The following CDKL5 variants were observed in gnomAD, a reference collection of about 807,000 sequenced individuals.
CDKL5 encodes cyclin dependent kinase like 5.
CDKL5 carries 8 observed loss-of-function variants against 61.7 expected under a neutral mutation model. That is an observed-to-expected ratio of 0.13 (90% confidence interval 0.08 to 0.23). The LOEUF (loss-of-function observed/expected upper bound fraction) is 0.23. Ranked by LOEUF, CDKL5 falls within the 10% of genes least tolerant of loss-of-function variation. CDKL5 has a pLI of 1.00. For missense variants in CDKL5, 440 were observed against 734.5 expected (o/e 0.60, Z 4.63); for synonymous variants, 275 against 272.3 (o/e 1.01, Z -0.10).
intron 1 of CDKL5, among the ~76,000 whole-genome samples, chrX:18,500,963 T>C (rs1279397512): frequency 1.8e-5 from 2 of 111,055 alleles, no homozygotes; most frequent in East Asian, 2.9e-4. Context: ...CTTAGCCTCC[T>C]GTGTAGCTGG....
intron 3 of CDKL5, among the ~76,000 whole-genome samples, chrX:18,553,467 T>C (rs867074649): frequency 2.0e-4 from 17 of 84,784 alleles, no homozygotes; most frequent in South Asian, 5.7e-4. Context: ...TGTGTGTGCG[T>C]GTGTGTGTGT....
At chrX:18,433,856 C>T (rs891681957) in intron 1 of CDKL5, among the ~76,000 whole-genome samples, 2 of 112,267 alleles carry the variant, frequency 1.8e-5, no homozygotes, top group African/African-American at 6.5e-5. Context: ...AATTGGTTTT[C>T]TTGATTTTAA....
chrX:18,646,860 A>T (rs1171779569), intron 20 of CDKL5, among the ~76,000 whole-genome samples: 1 of 110,913 alleles, frequency 9.0e-6, no homozygotes, highest in Non-Finnish European at 1.9e-5. Flanking sequence ...TTCTTCCTTC[A>T]TCTCTCCCCC....
In CDKL5 at chrX:18,650,612, C is replaced by T. The variant is rs181859624; in HGVS notation, c.2980+20C>T. On this transcript the variant is annotated intron_variant, in intron 21 of 21. Transcript: ENST00000379989. ...AATCCGGTAAGCAGAGACTCTAGAC[C>T]GGTGGGGCTCAGCCTGGGCTGTACC... is the stretch of plus-strand genomic sequence containing the variant. The T allele has an allele frequency of 3.5e-5, 42 of 1,206,594 alleles. No homozygotes were observed. In the South Asian group the frequency reaches 5.8e-4, roughly 17 times the overall value.
At chrX:18,529,256 A>G (rs1252577784) in intron 3 of CDKL5, among the ~76,000 whole-genome samples, 2 of 106,628 alleles carry the variant, frequency 1.9e-5, no homozygotes. Context: ...ACACTTTCAG[A>G]TAACTCTATA....
chrX:18,641,346 A>C (rs1778636890), downstream of CDKL5: 1 of 113,687 alleles, frequency 8.8e-6, no homozygotes, highest in Non-Finnish European at 1.8e-5. Context: ...CCCTGTGTTC[A>C]TGAGGGTGGA....
chrX:18,632,349 TC>T lies in CDKL5; in HGVS notation c.*3594del. 1 of 753,515 alleles carries T rather than the reference TC, an allele frequency of 1.3e-6. No homozygotes were observed. The highest frequency in any genetic ancestry group is 6.7e-5 in the South Asian group (1 of 14,836). 62.1% of individuals were successfully genotyped at this position (753,515 alleles called of 1,213,427 possible). ...GGAGAACTTAAATTCTAGGTTAGCA[TC>T]CTTAGAAAATCTTTCATAGAGCCAT... On this transcript the variant is annotated 3_prime_UTR_variant, in exon 18 of 18. Coordinates refer to ENST00000623535, the MANE Select transcript of CDKL5 (RefSeq NM_001323289.2).
chrX:18,557,252 C>A (rs1235351532), intron 3 of CDKL5, among the ~76,000 whole-genome samples: 1 of 111,520 alleles, frequency 9.0e-6, no homozygotes, highest in Non-Finnish European at 1.9e-5. Context: ...AAAAATACAA[C>A]AATAAAAAAT....
intron 20 of CDKL5, among the ~76,000 whole-genome samples, chrX:18,646,905 T>A (rs933187332): frequency 1.8e-5 from 2 of 111,554 alleles, no homozygotes; most frequent in African/African-American, 6.5e-5. Flanking sequence ...CATTTGTTTA[T>A]TAGAGAGGCC....
At chrX:18,489,499 C>T (rs1276078890) in intron 1 of CDKL5, among the ~76,000 whole-genome samples, 4 of 110,722 alleles carry the variant, frequency 3.6e-5, no homozygotes, top group Admixed American at 2.9e-4. Context: ...CAATCTGTTC[C>T]ATAGGAAGCC....
chrX:18,636,574 A>G lies in CDKL5; in HGVS notation c.*7817A>G, dbSNP rs951673230. On this transcript the variant is annotated 3_prime_UTR_variant, in exon 18 of 18. Transcript: ENST00000623535. The stretch of plus-strand genomic sequence containing the variant: ...AAGTCACTGCACGTCCACGTATGGT[A>G]ATGTGGTCACAATCAGTATTGTTTC... The G allele has an allele frequency of 2.6e-4, 29 of 110,643 alleles. No individual in the cohort carries two copies. Among genetic ancestry groups the G allele is most frequent in the African/African-American group, 8.9e-4 (27 of 30,496 alleles). The allele number at this position is 110,643 out of a possible 1,213,427, so 9.1% of individuals were successfully genotyped here.
intron 1 of CDKL5, among the ~76,000 whole-genome samples, chrX:18,446,353 G>GAA (rs756223251): frequency 6.8e-4 from 68 of 100,189 alleles, no homozygotes; most frequent in Middle Eastern, 5.0e-3. Flanking sequence ...CTCTGTCTCA[G>GAA]AAAAAAAAAA....
intron 8 of CDKL5, among the ~76,000 whole-genome samples, chrX:18,585,585 T>C (rs1925618216): frequency 8.9e-6 from 1 of 112,074 alleles, no homozygotes; most frequent in Admixed American, 9.5e-5. Context: ...CATTCATCTG[T>C]TAACACCAGA....
At chrX:18,430,897 T>G (rs1035945773) in intron 1 of CDKL5, among the ~76,000 whole-genome samples, 1 of 109,778 alleles carries the variant, frequency 9.1e-6, no homozygotes, top group Non-Finnish European at 1.9e-5. Flanking sequence ...TCCCCCACTC[T>G]GTTGCCCAGG....
chrX:18,648,020 G>A (rs765496110), intron 20 of CDKL5, among the ~76,000 whole-genome samples: 60 of 111,070 alleles, frequency 5.4e-4, no homozygotes, highest in Non-Finnish European at 9.6e-4. Context: ...CCTTCCTCTC[G>A]TCTGTATGTC....
chrX:18,430,868 C>CT lies in CDKL5; in HGVS notation c.-163+5183dup, dbSNP rs559417310. ...TCTTTACATTTTTAATTTTTTTTTTCTTTTTTTTTTGAGATGAGTCCCCCA... is the reference window on the plus strand; with the variant it reads ...TCTTTACATTTTTAATTTTTTTTTTCTTTTTTTTTTTGAGATGAGTCCCCCA... On this transcript the variant is annotated intron_variant, in intron 1 of 17. Coordinates refer to ENST00000623535, the MANE Select transcript of CDKL5 (RefSeq NM_001323289.2). Among the ~76,000 whole-genome samples the CT allele has an allele frequency of 1.7e-4, 17 of 100,175 alleles. No homozygotes were observed. In the South Asian group the frequency reaches 4.4e-3, roughly 26 times the overall value. The allele number at this position is 100,175 out of a possible 115,157, so 87.0% of individuals were successfully genotyped here. A position where few individuals can be genotyped will look rare whatever the true frequency, so the allele number is the denominator to read the frequency against.
intron 1 of CDKL5, among the ~76,000 whole-genome samples, chrX:18,438,517 G>A (rs775281473): frequency 1.8e-5 from 2 of 109,340 alleles, no homozygotes; most frequent in African/African-American, 6.6e-5. Flanking sequence ...CTGGCTGGCC[G>A]CGGTGGCTCA....
At chrX:18,529,784 C>T (rs987247526) in intron 3 of CDKL5, among the ~76,000 whole-genome samples, 6 of 110,668 alleles carry the variant, frequency 5.4e-5, no homozygotes, top group Non-Finnish European at 9.5e-5. Flanking sequence ...ACAATTTTCT[C>T]CTTGTGTTTA....
chrX:18,621,001 A>G (rs1375674348), intron 16 of CDKL5, among the ~76,000 whole-genome samples: 1 of 111,966 alleles, frequency 8.9e-6, no homozygotes, highest in African/African-American at 3.2e-5. Flanking sequence ...AGGCCTCCCA[A>G]AGTGCTAGGC....
Sources: gnomAD v4.1 joint callset for allele counts (sites outside exome capture counted in the v4.1 genomes callset) on GRCh38, gnomAD v4.1.1 for gene constraint, MANE v1.5 for transcripts, NCBI Gene and HGNC (gene_info 2026-07-23, HGNC 2026-07-21) for gene names.